SETBP1: variants seen among roughly 807,000 people sequenced by gnomAD.
SETBP1 encodes the protein SET-binding protein.
A neutral mutation model predicts 101.0 loss-of-function variants in SETBP1; 9 were observed. The ratio of observed to expected loss-of-function variants is 0.09; its 90% CI spans 0.05 to 0.16. The LOEUF (loss-of-function observed/expected upper bound fraction) is 0.16. Ranked by LOEUF, SETBP1 falls within the 10% of genes least tolerant of loss-of-function variation. The pLI, the probability that SETBP1 is intolerant of heterozygous loss-of-function variation, is 1.00. For synonymous variants in SETBP1, 818 were observed against 788.5 expected, an observed-to-expected ratio of 1.04 and a Z score of -0.63; for missense variants, 1,858 against 2,033.8, an observed-to-expected ratio of 0.91 and a Z score of 1.66.
chr18:44,755,792 A>G (rs1054162738), intron 2 of SETBP1, among the ~76,000 whole-genome samples: 1 of 152,086 alleles, frequency 6.6e-6, no homozygotes, highest in African/African-American at 2.4e-5. Context: ...TTTTATATAT[A>G]TCCCATTTGT....
rs1287651403 is a variant in SETBP1, at chr18:44,950,174, T to C, written c.834T>C (p.Ser278=). Residue 278 remains serine (S), a synonymous_variant, in exon 4 of 6, where the codon TCT becomes TCC. Coordinates refer to ENST00000649279, the MANE Select transcript of SETBP1 (RefSeq NM_015559.3). The part of the protein sequence containing the change: ...GSAGNTWSQL[S]NNNKDLLLGG... ...CAGGGAACACGTGGAGTCAGTTGTC[T>C]AACAATAACAAAGATCTGCTCTTGG... 2 of 1,613,778 alleles carry C rather than the reference T, an allele frequency of 1.2e-6. No individual in the cohort carries two copies. Among genetic ancestry groups the C allele is most frequent in the Admixed American group, 1.7e-5 (1 of 60,010 alleles).
At chr18:44,725,757 T>C (rs949903280) in intron 2 of SETBP1, among the ~76,000 whole-genome samples, 1 of 152,146 alleles carries the variant, frequency 6.6e-6, no homozygotes, top group Non-Finnish European at 1.5e-5. Flanking sequence ...CTGGGTGTGC[T>C]GTCACCTCTT....
At chr18:44,870,293 G>A (rs993468948) in intron 3 of SETBP1, 6 of 152,182 alleles carry the variant, frequency 3.9e-5, no homozygotes, top group African/African-American at 1.4e-4. Flanking sequence ...CACATCCTGT[G>A]CGCACCCTCT....
intron 3 of SETBP1, among the ~76,000 whole-genome samples, chr18:44,933,605 C>G (rs1285560150): frequency 6.6e-6 from 1 of 152,170 alleles, no homozygotes; most frequent in African/African-American, 2.4e-5. Context: ...CCACCCAGTT[C>G]GAGCTTCCTG....
chr18:45,051,363 A>G (rs1342184867), intron 5 of SETBP1, among the ~76,000 whole-genome samples: 1 of 152,198 alleles, frequency 6.6e-6, no homozygotes, highest in East Asian at 1.9e-4. Flanking sequence ...AAAAACTCCT[A>G]GTATAGCACT....
At chr18:44,875,483 C>T (rs1166048925) in intron 3 of SETBP1, among the ~76,000 whole-genome samples, 4 of 141,152 alleles carry the variant, frequency 2.8e-5, no homozygotes, top group Non-Finnish European at 3.0e-5. Context: ...GAGCCGAGAT[C>T]GCGCCGCTGC....
intron 5 of SETBP1, among the ~76,000 whole-genome samples, chr18:45,042,929 A>G (rs2073538426): frequency 2.0e-5 from 3 of 152,186 alleles, no homozygotes; most frequent in Non-Finnish European, 1.5e-5. Context: ...CCCCTGGTGC[A>G]GCCAAGGAGG....
In SETBP1 at chr18:44,804,919, A is replaced by G. The variant is rs572234879; in HGVS notation, c.487-64311A>G. ...GGCTTCCACTCCTCCAGGCCATGTC[A>G]CCTATCAGTCTGTGTGACATGTGTT... is the stretch of plus-strand genomic sequence containing the variant. On this transcript the variant is annotated intron_variant, in intron 2 of 5. Coordinates refer to ENST00000649279, the MANE Select transcript of SETBP1 (RefSeq NM_015559.3). 1.4e-4 allele frequency among the ~76,000 whole-genome samples: 22 copies of G among 152,136 alleles called. No homozygotes were observed. In the South Asian group the frequency reaches 4.6e-3, roughly 32 times the overall value.
At chr18:45,047,299 A>G (rs1007119551) in intron 5 of SETBP1, among the ~76,000 whole-genome samples, 1 of 152,226 alleles carries the variant, frequency 6.6e-6, no homozygotes, top group Non-Finnish European at 1.5e-5. Context: ...CTCATTTTAT[A>G]TCAAATATTC....
rs1001216197 is a variant in SETBP1 at position 44,726,781 on chromosome 18, G to A, written c.486+24949G>A. On this transcript the variant is annotated intron_variant, in intron 2 of 5. Coordinates refer to ENST00000649279, the MANE Select transcript of SETBP1 (RefSeq NM_015559.3). ...CTCAAGCCACACAACTGTGTGCTTC[G>A]TTACATAATTTGTTTTTGTAATAAT... Among the ~76,000 whole-genome samples, 12 of 152,158 alleles carry A rather than the reference G, an allele frequency of 7.9e-5. No homozygotes were observed. The South Asian group carries it at 1.0e-3, about 13-fold the overall frequency.
chr18:44,942,546 C>T (rs914251574), intron 3 of SETBP1, among the ~76,000 whole-genome samples: 1 of 152,122 alleles, frequency 6.6e-6, no homozygotes, highest in African/African-American at 2.4e-5. Flanking sequence ...CTTTTCTTCC[C>T]TATGCCCAGA....
intron 4 of SETBP1, among the ~76,000 whole-genome samples, chr18:44,964,031 T>C (rs1157014110): frequency 1.3e-5 from 2 of 149,482 alleles, no homozygotes; most frequent in African/African-American, 2.5e-5. Flanking sequence ...CTTCAGAAGT[T>C]TGGGAAGTTG....
chr18:44,736,187 C>T (rs930314377), intron 2 of SETBP1, among the ~76,000 whole-genome samples: 2 of 151,944 alleles, frequency 1.3e-5, no homozygotes, highest in Admixed American at 1.3e-4. Context: ...GAGGTTGAGA[C>T]CAGCCTGGGC....
chr18:45,030,583 AT>A (rs1197373086), intron 4 of SETBP1, among the ~76,000 whole-genome samples: 1 of 150,132 alleles, frequency 6.7e-6, no homozygotes, highest in Non-Finnish European at 1.5e-5. Flanking sequence ...TTCAGAAGGA[AT>A]GGTACTAGTT....
intron 2 of SETBP1, among the ~76,000 whole-genome samples, chr18:44,865,254 GT>G (rs2069102995): frequency 6.6e-6 from 1 of 152,178 alleles, no homozygotes; most frequent in Non-Finnish European, 1.5e-5. Flanking sequence ...TTTAAGGTAT[GT>G]TTTAGTACCA....
intron 3 of SETBP1, among the ~76,000 whole-genome samples, chr18:44,917,447 A>C (rs1177007808): frequency 6.6e-6 from 1 of 152,096 alleles, no homozygotes; most frequent in Non-Finnish European, 1.5e-5. Context: ...TCCAGCTGTG[A>C]TTTTATTTCA....
chr18:44,979,168 G>A (rs761743199), intron 4 of SETBP1, among the ~76,000 whole-genome samples: 5 of 152,178 alleles, frequency 3.3e-5, no homozygotes, highest in Non-Finnish European at 2.9e-5. Context: ...GGACTTCTAC[G>A]GGCTTTTTGG....
At chr18:45,038,964 A>G (rs2073455670) in intron 5 of SETBP1, among the ~76,000 whole-genome samples, 1 of 152,140 alleles carries the variant, frequency 6.6e-6, no homozygotes, top group South Asian at 2.1e-4. Context: ...GGAATTACTA[A>G]TCTCTGCATC....
chr18:44,887,117 A>C (rs2069666668), intron 3 of SETBP1, among the ~76,000 whole-genome samples: 1 of 152,080 alleles, frequency 6.6e-6, no homozygotes, highest in African/African-American at 2.4e-5. Flanking sequence ...AAATTACTTA[A>C]CTTCCATTTT....
Sources: allele counts gnomAD v4.1 joint callset (sites outside exome capture counted in the v4.1 genomes callset), GRCh38; gene constraint gnomAD v4.1.1; transcripts MANE v1.5; gene names NCBI Gene and HGNC (gene_info 2026-07-23, HGNC 2026-07-21).